Variants in PLEKHB1 observed in about 807,000 individuals in gnomAD.
The protein encoded by PLEKHB1 is pleckstrin homology domain containing B1, also known as pleckstrin homology domain-containing family B member 1.
A neutral mutation model predicts 36.2 loss-of-function variants in PLEKHB1; 29 were observed. That is an observed-to-expected ratio of 0.80 (90% CI 0.60 to 1.09). The LOEUF (loss-of-function observed/expected upper bound fraction) is 1.09. Ranked by LOEUF, PLEKHB1 falls within the 50% of genes least tolerant of loss-of-function variation. PLEKHB1 has a pLI of 0.00. For missense variants in PLEKHB1, 330 were observed against 348.2 expected (o/e 0.95, Z 0.42); for synonymous variants, 138 against 140.0 (o/e 0.99, Z 0.10).
chr11:73,652,665 A>G, intron 4 of PLEKHB1: 1 of 312,982 alleles, frequency 3.2e-6, no homozygotes, highest in Non-Finnish European at 5.8e-6. Context: ...GGGCTACAAC[A>G]CCCACCCAAG....
rs1462122548 is a variant in PLEKHB1 at position 73,662,768 on chromosome 11, C to T, written c.*1166C>T. The T allele has an allele frequency of 6.6e-6, 1 of 152,226 alleles. No homozygotes were observed. Among genetic ancestry groups the T allele is most frequent in the East Asian group, 1.9e-4 (1 of 5,206 alleles). The allele number at this position is 152,226 out of a possible 1,614,324, so 9.4% of individuals were successfully genotyped here. On this transcript the variant is annotated 3_prime_UTR_variant, in exon 8 of 8. Coordinates refer to ENST00000354190, the MANE Select transcript of PLEKHB1 (RefSeq NM_021200.3). ...TAAAGCTCCCCTGTAAATGGGGGCT[C>T]CATTAGTTCTGCTGCCGAGACTAAT...
At position 73,662,039 on chromosome 11, in the gene PLEKHB1, C is replaced by G. The variant is rs746365902; in HGVS notation, c.*437C>G. 70 of 161,274 alleles carry G rather than the reference C, an allele frequency of 4.3e-4. No individual in the cohort carries two copies. Among genetic ancestry groups the G allele is most frequent in the Non-Finnish European group, 6.9e-4 (51 of 74,002 alleles). The allele number at this position is 161,274 out of a possible 1,614,324, so 10.0% of individuals were successfully genotyped here. A position where few individuals can be genotyped will look rare whatever the true frequency, so the allele number is the denominator to read the frequency against. ...TTGACAAAGCTGAAGAGTTATCAGT[C>G]CTTTGACAAGGACAGGTGGGGCAGG... On this transcript the variant is annotated 3_prime_UTR_variant, in exon 8 of 8. Transcript: ENST00000354190.
rs758633512 is a variant in PLEKHB1, at chr11:73,660,835, A to G, written c.578A>G (p.Tyr193Cys). ...GAGGCCACGTATGTCCGCAGCTACT[A>G]CGGACCGCCCTACGCAGGTAAGTCT... ...AHEATYVRSY[Y>C]GPPYAGPGVT... is the part of the protein sequence containing the mutation. Residue 193 changes from tyrosine to cysteine, a missense_variant, in exon 7 of 8, where the codon TAC becomes TGC. Transcript: ENST00000354190. 6.3e-6 allele frequency: 10 copies of G among 1,592,930 alleles called. No individual in the cohort carries two copies. The African/African-American group carries it at 1.4e-4, about 22-fold the overall frequency.
chr11:73,652,973 A>G lies in PLEKHB1; in HGVS notation c.351-2A>G. 1.9e-6 allele frequency: 3 copies of G among 1,608,360 alleles called. No individual in the cohort carries two copies. The highest frequency in any genetic ancestry group is 2.6e-6 in the Non-Finnish European group (3 of 1,176,128). Reference sequence around the variant, plus strand: ...CATGGTCTGGTGGGATTTGCTTTGCAGAGCATGGAAGACAGCACTGCTGGA... The same window carrying G: ...CATGGTCTGGTGGGATTTGCTTTGCGGAGCATGGAAGACAGCACTGCTGGA... On this transcript the variant is annotated splice_acceptor_variant, in intron 4 of 7. Transcript: ENST00000354190. LOFTEE classifies it high-confidence loss of function.
intron 7 of PLEKHB1, 89 bp downstream of exon 7, chr11:73,660,941 C>T: frequency 8.2e-7 from 1 of 1,218,234 alleles, no homozygotes; most frequent in Non-Finnish European, 1.2e-6. Context: ...CCGGACCAGG[C>T]TTCATCCTTT....
intron 6 of PLEKHB1, among the ~76,000 whole-genome samples, chr11:73,656,871 G>A (rs1945003829): frequency 6.6e-6 from 1 of 152,186 alleles, no homozygotes; most frequent in African/African-American, 2.4e-5. Context: ...CCTGTCTCCT[G>A]GCCAGGCCTG....
intron 1 of PLEKHB1, among the ~76,000 whole-genome samples, chr11:73,647,151 T>G (rs1385781864): frequency 6.6e-6 from 1 of 152,166 alleles, no homozygotes; most frequent in Non-Finnish European, 1.5e-5. Flanking sequence ...CCTAGGAAAC[T>G]GCCCCTCATC....
chr11:73,659,512 T>G (rs1220660515), intron 6 of PLEKHB1, among the ~76,000 whole-genome samples: 2 of 152,170 alleles, frequency 1.3e-5, no homozygotes, highest in East Asian at 3.9e-4. Flanking sequence ...GTTCCTGGTA[T>G]GCACTTGGCC....
chr11:73,655,402 C>T (rs1164521236), intron 5 of PLEKHB1, among the ~76,000 whole-genome samples: 1 of 152,116 alleles, frequency 6.6e-6, no homozygotes. Context: ...GTGGAGGCTC[C>T]AGGAGCCCCT....
intron 1 of PLEKHB1, among the ~76,000 whole-genome samples, chr11:73,646,829 T>C (rs573158890): frequency 8.5e-5 from 13 of 152,138 alleles, no homozygotes; most frequent in African/African-American, 3.1e-4. Flanking sequence ...ATACAGAAAG[T>C]CTTCCTTTCT....
intron 3 of PLEKHB1, among the ~76,000 whole-genome samples, chr11:73,651,023 G>A (rs78257609): frequency 0.013 from 1,980 of 151,158 alleles, 22 homozygotes; most frequent in Non-Finnish European, 0.023. Context: ...TTGGTGAGAT[G>A]CGGTCACATA....
Position 73,660,835 on chromosome 11 carries a change from A to ACGGAC in PLEKHB1, c.581_585dup (p.Pro196AspfsTer9), listed in dbSNP as rs777418271. 1.3e-6 allele frequency: 2 copies of ACGGAC among 1,593,050 alleles called. No individual in the cohort carries two copies. Among genetic ancestry groups the ACGGAC allele is most frequent in the Non-Finnish European group, 1.7e-6 (2 of 1,172,136 alleles). ...GAGGCCACGTATGTCCGCAGCTACTACGGACCGCCCTACGCAGGTAAGTCT... is the reference window on the plus strand; with the variant it reads ...GAGGCCACGTATGTCCGCAGCTACTACGGACCGGACCGCCCTACGCAGGTAAGTCT... On this transcript the variant is annotated frameshift_variant, in exon 7 of 8. Coordinates refer to ENST00000354190, the MANE Select transcript of PLEKHB1 (RefSeq NM_021200.3). LOFTEE classifies it high-confidence loss of function.
chr11:73,647,905 G>C, intron 1 of PLEKHB1: 1 of 985,330 alleles, frequency 1.0e-6, no homozygotes, highest in Non-Finnish European at 1.2e-6. Flanking sequence ...GGTGTGAGCA[G>C]GTGGGGGAGG....
intron 5 of PLEKHB1, among the ~76,000 whole-genome samples, chr11:73,655,347 C>T (rs1201581062): frequency 6.6e-6 from 1 of 152,208 alleles, no homozygotes; most frequent in East Asian, 1.9e-4. Context: ...TGGGAATGAC[C>T]TGCCCTTTGT....
At chr11:73,658,758 G>A (rs1214875050) in intron 6 of PLEKHB1, among the ~76,000 whole-genome samples, 4 of 152,108 alleles carry the variant, frequency 2.6e-5, no homozygotes, top group Non-Finnish European at 5.9e-5. Context: ...CTGGGCCCAC[G>A]GGCATGCATC....
In PLEKHB1 at chr11:73,649,069, G is replaced by A. The variant is rs372276436; in HGVS notation, c.76G>A (p.Gly26Ser). 9.5e-5 allele frequency: 152 copies of A among 1,598,854 alleles called. 2 individuals carry two copies. Among genetic ancestry groups the A allele is most frequent in the Non-Finnish European group, 1.2e-4 (139 of 1,172,796 alleles). Reference protein sequence around the residue: ...PFEEMALVRGGWLWRQSSILR... With the variant: ...PFEEMALVRGSWLWRQSSILR... ...TGAAGAAATGGCCCTGGTGAGGGGC[G>A]GCTGGCTGTGGAGACAGAGTGAGTG... is the stretch of plus-strand genomic sequence containing the variant. Residue 26 changes from glycine to serine, a missense_variant, in exon 2 of 8, where the codon GGC becomes AGC. Physicochemically the swap from Gly to Ser is moderately conservative, Grantham distance 56. Transcript: ENST00000354190.
At chr11:73,659,884 G>A (rs1007716891) in intron 6 of PLEKHB1, among the ~76,000 whole-genome samples, 1 of 152,264 alleles carries the variant, frequency 6.6e-6, no homozygotes, top group East Asian at 1.9e-4. Flanking sequence ...TTCAGGACCT[G>A]GTACATAGTA....
intron 6 of PLEKHB1, among the ~76,000 whole-genome samples, chr11:73,656,230 C>T (rs964238020): frequency 1.3e-5 from 2 of 152,172 alleles, no homozygotes; most frequent in East Asian, 1.9e-4. Flanking sequence ...CACTAGGCAT[C>T]GTCATTCCCT....
chr11:73,660,579 C>G, intron 6 of PLEKHB1, 174 bp from the exon 7 acceptor site: 1 of 623,552 alleles, frequency 1.6e-6, no homozygotes, highest in Non-Finnish European at 2.8e-6. Context: ...GGACCGTGGA[C>G]CTTGTGGGGA....
Sources: allele counts gnomAD v4.1 joint callset (sites outside exome capture counted in the v4.1 genomes callset), GRCh38; gene constraint gnomAD v4.1.1; transcripts MANE v1.5; gene names NCBI Gene and HGNC (gene_info 2026-07-23, HGNC 2026-07-21).